Variants in HERC5 observed in about 807,000 individuals in gnomAD.
HERC5 encodes E3 ISG15--protein ligase HERC5.
A neutral mutation model predicts 119.6 loss-of-function variants in HERC5; 99 were observed. That is an observed-to-expected ratio of 0.83 (90% CI 0.70 to 0.98). The LOEUF is 0.98. Among genes scored for constraint, HERC5 ranks in the 50% least tolerant of loss-of-function variants. The probability of loss-of-function intolerance (pLI) is 0.00; values close to 1 mark genes in which losing one functional copy is unlikely to be tolerated. For synonymous variants in HERC5, 478 were observed against 445.9 expected (o/e 1.07, Z -0.91); for missense variants, 1,267 against 1,241.3 (o/e 1.02, Z -0.31).
At position 88,472,456 on chromosome 4, in the gene HERC5, G is replaced by A. The variant is rs1184211754; in HGVS notation, c.1346G>A (p.Arg449Lys). The change falls in exon 11 of 23, where the codon AGA (arginine) becomes AAA (lysine). Residue 449 changes from arginine to lysine, a missense_variant. This residue lies in a region of HERC5 where 777 missense variants were observed against 758.0 expected (regional missense o/e 1.03). Transcript: ENST00000264350. The part of the protein sequence containing the change: ...MPVYLDLNKA[R>K]NIFKELTQKD... The stretch of plus-strand genomic sequence containing the variant: ...GTTTATTTGGACTTAAATAAAGCAA[G>A]AAACATCTTCAAGGAGTTAACCCAA... 6.2e-7 allele frequency: 1 copy of A among 1,603,136 alleles called. No individual in the cohort carries two copies. The highest frequency in any genetic ancestry group is 8.5e-7 in the Non-Finnish European group (1 of 1,172,076).
intron 20 of HERC5, among the ~76,000 whole-genome samples, chr4:88,502,522 A>G (rs1184415690): frequency 6.6e-6 from 1 of 152,184 alleles, no homozygotes; most frequent in Admixed American, 6.5e-5. Flanking sequence ...CCACGCAGCC[A>G]TCAGTGGGTG....
intron 13 of HERC5, among the ~76,000 whole-genome samples, chr4:88,480,156 A>G (rs1207631669): frequency 6.6e-6 from 1 of 151,910 alleles, no homozygotes; most frequent in East Asian, 1.9e-4. Context: ...TCCCAGAGGT[A>G]GTCATGATCT....
intron 7 of HERC5, 108 bp from the exon 8 acceptor site, chr4:88,468,235 TAAG>T: frequency 3.9e-6 from 3 of 760,384 alleles, no homozygotes; most frequent in South Asian, 2.0e-5. Flanking sequence ...TTTTGTCTAT[TAAG>T]AAGAAAAGAT....
intron 13 of HERC5, among the ~76,000 whole-genome samples, chr4:88,484,438 TAG>T (rs1169493195): frequency 6.6e-6 from 1 of 152,250 alleles, no homozygotes; most frequent in African/African-American, 2.4e-5. Flanking sequence ...GCCAGGCTCC[TAG>T]AGATACCACC....
chr4:88,505,979 G>A lies in HERC5; in HGVS notation c.*101G>A. ...TTTGTTTTGTTTTAGGCTTTTAGCA[G>A]CCTGAAGCCATGGTTTTTCATTTCT... On this transcript the variant is annotated 3_prime_UTR_variant, in exon 23 of 23. Transcript: ENST00000264350. 3.4e-6 allele frequency: 3 copies of A among 885,550 alleles called. No homozygotes were observed. The highest frequency in any genetic ancestry group is 5.2e-6 in the Non-Finnish European group (3 of 576,210). 54.9% of individuals were successfully genotyped at this position (885,550 alleles called of 1,614,324 possible).
intron 16 of HERC5, among the ~76,000 whole-genome samples, chr4:88,492,393 C>G (rs551153053): frequency 6.6e-6 from 1 of 151,942 alleles, no homozygotes; most frequent in Non-Finnish European, 1.5e-5. Flanking sequence ...TTAGGTAAAA[C>G]TTTTACCTAA....
At chr4:88,489,588 G>T (rs147324367) in intron 16 of HERC5, among the ~76,000 whole-genome samples, 1 of 152,296 alleles carries the variant, frequency 6.6e-6, no homozygotes, top group African/African-American at 2.4e-5. Context: ...AGATAGTTCA[G>T]TGTTGGCCCT....
At chr4:88,481,454 T>C (rs1365444297) in intron 13 of HERC5, among the ~76,000 whole-genome samples, 1 of 152,212 alleles carries the variant, frequency 6.6e-6, no homozygotes, top group African/African-American at 2.4e-5. Context: ...CAGTTATAGC[T>C]TGTCTTTTGC....
At position 88,490,930 on chromosome 4, in the gene HERC5, G is replaced by A. The variant is rs192253336; in HGVS notation, c.2133+1594G>A. 3.3e-5 allele frequency among the ~76,000 whole-genome samples: 5 copies of A among 152,202 alleles called. No homozygotes were observed. The South Asian group carries it at 6.2e-4, about 19-fold the overall frequency. On this transcript the variant is annotated intron_variant, in intron 16 of 22. Transcript: ENST00000264350. ...ATAATTGTATAACTCTAATGGACTCGTTATGTGATTCTATGCTTTGCCAGT... is the reference window on the plus strand; with the variant it reads ...ATAATTGTATAACTCTAATGGACTCATTATGTGATTCTATGCTTTGCCAGT...
At chr4:88,460,557 A>G (rs770536750) in intron 3 of HERC5, among the ~76,000 whole-genome samples, 1 of 152,306 alleles carries the variant, frequency 6.6e-6, no homozygotes, top group African/African-American at 2.4e-5. Context: ...TTTTGTGGCC[A>G]GGCTGCAGAC....
intron 9 of HERC5, 31 bp downstream of exon 9, chr4:88,469,291 A>G (rs1560601715): frequency 8.6e-6 from 12 of 1,401,848 alleles, no homozygotes; most frequent in South Asian, 6.9e-5. Context: ...CTCTGCTTAT[A>G]TATCACTCTC....
intron 20 of HERC5, among the ~76,000 whole-genome samples, chr4:88,504,007 C>A (rs1321831277): frequency 1.3e-5 from 2 of 150,358 alleles, no homozygotes; most frequent in African/African-American, 4.9e-5. Flanking sequence ...GTGGAGGTTG[C>A]AATAAGCTAA....
intron 12 of HERC5, 75 bp downstream of exon 12, chr4:88,476,105 C>T: frequency 1.1e-5 from 13 of 1,158,916 alleles, no homozygotes; most frequent in Non-Finnish European, 3.7e-6. Flanking sequence ...TATGGCAAAA[C>T]TAAGATACTT....
chr4:88,501,297 GTTTA>G (rs1205433074), intron 20 of HERC5, among the ~76,000 whole-genome samples: 1 of 152,072 alleles, frequency 6.6e-6, no homozygotes, highest in Non-Finnish European at 1.5e-5. Context: ...TACCTTTAGG[GTTTA>G]TTTGCTTATT....
At chr4:88,459,672 A>G (rs1442835596) in intron 2 of HERC5, among the ~76,000 whole-genome samples, 4 of 152,192 alleles carry the variant, frequency 2.6e-5, no homozygotes, top group Non-Finnish European at 2.9e-5. Flanking sequence ...AAATGATTAA[A>G]TAGTCTGCCT....
At chr4:88,459,295 C>T (rs1417175390) in intron 1 of HERC5, 52 bp from the exon 2 acceptor site, 1 of 1,434,144 alleles carries the variant, frequency 7.0e-7, no homozygotes, top group Non-Finnish European at 9.2e-7. Context: ...GTTAGTAATA[C>T]AGTGGGTAAT....
rs182308726 is a variant in HERC5 at position 88,460,252 on chromosome 4, A to G, written c.466+81A>G. The G allele has an allele frequency of 4.6e-6, 3 of 652,524 alleles. No homozygotes were observed. The East Asian group carries it at 8.8e-5, about 19-fold the overall frequency. The allele number at this position is 652,524 out of a possible 1,614,324, so 40.4% of individuals were successfully genotyped here. A position where few individuals can be genotyped will look rare whatever the true frequency, so the allele number is the denominator to read the frequency against. On this transcript the variant is annotated intron_variant, in intron 3 of 22. Coordinates refer to ENST00000264350, the MANE Select transcript of HERC5 (RefSeq NM_016323.4). ...GGAGCCAGTAGAATGTCTATATTTC[A>G]CTTGTAACAGGACAGAAATACAGTT...
intron 7 of HERC5, among the ~76,000 whole-genome samples, 160 bp from the exon 8 acceptor site, chr4:88,468,186 A>G (rs774141429): frequency 6.6e-6 from 1 of 152,206 alleles, no homozygotes; most frequent in Non-Finnish European, 1.5e-5. Context: ...TCCAAAGGAT[A>G]TGTATTTCAG....
chr4:88,505,789 A>G lies in HERC5; in HGVS notation c.2986A>G (p.Ser996Gly). 6.2e-7 allele frequency: 1 copy of G among 1,613,266 alleles called. No homozygotes were observed. Residue 996 changes from serine to glycine, a missense_variant, in exon 23 of 23, where the codon AGT becomes GGT. Coordinates refer to ENST00000264350, the MANE Select transcript of HERC5 (RefSeq NM_016323.4). Reference sequence around the variant, plus strand: ...CCCTATAAGAGCACTGACATGTTTCAGTGTCCTCTTCCTCCCTAAATATTC... The same window carrying G: ...CCCTATAAGAGCACTGACATGTTTCGGTGTCCTCTTCCTCCCTAAATATTC... ...RDPIRALTCF[S>G]VLFLPKYSTM...
Sources: allele counts gnomAD v4.1 joint callset (sites outside exome capture counted in the v4.1 genomes callset), GRCh38; gene constraint gnomAD v4.1.1; regional missense constraint gnomAD v4.1.1; transcripts MANE v1.5; gene names NCBI Gene and HGNC (gene_info 2026-07-23, HGNC 2026-07-21).